Variants in FSIP2 observed in about 807,000 individuals in gnomAD.
FSIP2 encodes fibrous sheath interacting protein 2.
In FSIP2, 367 loss-of-function variants were observed where a neutral mutation model predicts 510.5. The ratio of observed to expected loss-of-function variants is 0.72; its 90% CI spans 0.66 to 0.78. FSIP2 has a LOEUF of 0.78. Ranked by LOEUF, FSIP2 falls within the 30% of genes least tolerant of loss-of-function variation. FSIP2 has a pLI of 0.00. For synonymous variants in FSIP2, 2,601 were observed against 2,732.2 expected, an observed-to-expected ratio of 0.95 and a Z score of 1.50; for missense variants, 7,594 against 7,901.7, an observed-to-expected ratio of 0.96 and a Z score of 1.48.
At chr2:185,811,122 G>T (rs546504775) in intron 17 of FSIP2, among the ~76,000 whole-genome samples, 3 of 152,100 alleles carry the variant, frequency 2.0e-5, no homozygotes, top group South Asian at 2.1e-4. Context: ...CAGGAGGAAA[G>T]AAATGACTTA....
chr2:185,828,017 T>C (rs1046438124), intron 20 of FSIP2, 139 bp from the exon 21 acceptor site: 71 of 566,112 alleles, frequency 1.3e-4, no homozygotes, highest in Non-Finnish European at 2.2e-4. Flanking sequence ...TGCTTATACA[T>C]TTAAAATAAC....
chr2:185,753,869 T>A, intron 8 of FSIP2, 27 bp downstream of exon 8: 1 of 1,394,774 alleles, frequency 7.2e-7, no homozygotes, highest in Non-Finnish European at 9.4e-7. Flanking sequence ...TAAAAGATGA[T>A]GTAGCTAAGT....
At position 185,790,756 on chromosome 2, in the gene FSIP2, C is replaced by G. The variant is rs1376331394; in HGVS notation, c.3620C>G (p.Thr1207Ser). 3.3e-6 allele frequency: 5 copies of G among 1,532,000 alleles called. No homozygotes were observed. In the Admixed American group the frequency reaches 7.9e-5, roughly 24 times the overall value. The allele number at this position is 1,532,000 out of a possible 1,614,324, so 94.9% of individuals were successfully genotyped here. A position where few individuals can be genotyped will look rare whatever the true frequency, so the allele number is the denominator to read the frequency against. The change falls in exon 16 of 23, where the codon ACT becomes AGT. Residue 1207 changes from threonine to serine, a missense_variant. By Grantham distance (58) the Thr-to-Ser change is moderately conservative. Coordinates refer to ENST00000424728, the MANE Select transcript of FSIP2 (RefSeq NM_173651.4). ...CAGATTTCCTTACATAATTCTGACA[C>G]TGAACACATAGTCAAAGAAGCACCA... ...VHQISLHNSD[T>S]EHIVKEAPNK...
At chr2:185,822,082 G>T (rs1693931797) in intron 19 of FSIP2, among the ~76,000 whole-genome samples, 1 of 151,908 alleles carries the variant, frequency 6.6e-6, no homozygotes, top group Non-Finnish European at 1.5e-5. Flanking sequence ...ACATTGTTAA[G>T]GTCATATATG....
intron 13 of FSIP2, among the ~76,000 whole-genome samples, chr2:185,774,023 G>T (rs1692666462): frequency 6.6e-6 from 1 of 152,028 alleles, no homozygotes; most frequent in Non-Finnish European, 1.5e-5. Context: ...ATTTTCTGGG[G>T]TCTCTGTAAG....
intron 13 of FSIP2, among the ~76,000 whole-genome samples, chr2:185,780,154 T>C (rs887388271): frequency 2.0e-5 from 3 of 151,954 alleles, no homozygotes; most frequent in Non-Finnish European, 2.9e-5. Flanking sequence ...GATTCTTCCG[T>C]CCCCCACCTC....
rs1327235651 is a variant in FSIP2, at chr2:185,756,244, T to C, written c.1044T>C (p.Pro348=). Residue 348 remains proline (P), a synonymous_variant, in exon 9 of 23, where the codon CCT becomes CCC. Transcript: ENST00000424728. The stretch of plus-strand genomic sequence containing the variant: ...CTGAAGATATAATGTTAGTTTATCC[T>C]GCTGGAGACCAGAATACATATAAAG... ...KTSEDIMLVY[P]AGDQNTYKET... is the part of the protein sequence containing the mutation. 1 of 1,347,580 alleles carries C rather than the reference T, an allele frequency of 7.4e-7. No homozygotes were observed. Among genetic ancestry groups the C allele is most frequent in the Non-Finnish European group, 1.0e-6 (1 of 993,834 alleles). 83.5% of individuals were successfully genotyped at this position (1,347,580 alleles called of 1,614,324 possible). A position where few individuals can be genotyped will look rare whatever the true frequency, so the allele number is the denominator to read the frequency against.
rs1194716344 is a variant in FSIP2, at chr2:185,799,847, T to C, written c.10541T>C (p.Ile3514Thr). ...ESVLYHLTSSISDGTKKGREK... is the reference protein window; with the variant it reads ...ESVLYHLTSSTSDGTKKGREK... ...GTACTTTACCATTTAACTTCGAGCA[T>C]TTCTGATGGCACCAAAAAGGGTAGA... The change falls in exon 17 of 23, where the codon ATT (isoleucine) becomes ACT (threonine). Residue 3514 changes from isoleucine (I) to threonine (T), a missense_variant. Physicochemically the swap from Ile to Thr is moderately conservative, Grantham distance 89 (BLOSUM62 -1). Coordinates refer to ENST00000424728, the MANE Select transcript of FSIP2 (RefSeq NM_173651.4). 2 of 1,533,138 alleles carry C rather than the reference T, an allele frequency of 1.3e-6. No individual in the cohort carries two copies. Among genetic ancestry groups the C allele is most frequent in the Admixed American group, 2.0e-5 (1 of 50,828 alleles). The allele number at this position is 1,533,138 out of a possible 1,614,324, so 95.0% of individuals were successfully genotyped here.
intron 6 of FSIP2, among the ~76,000 whole-genome samples, 158 bp from the exon 7 acceptor site, chr2:185,747,155 A>T (rs537320698): frequency 6.6e-6 from 1 of 152,232 alleles, no homozygotes; most frequent in South Asian, 2.1e-4. Flanking sequence ...GAGTGTAGTA[A>T]GAAAAGTATA....
At chr2:185,833,067 C>A in intron 22 of FSIP2, 23 bp from the exon 23 acceptor site, 1 of 1,606,654 alleles carries the variant, frequency 6.2e-7, no homozygotes, top group South Asian at 1.1e-5. Flanking sequence ...AGATATCATT[C>A]TTCTTGTTTA....
At chr2:185,766,647 G>T (rs1433480235) in intron 13 of FSIP2, 17 of 150,942 alleles carry the variant, frequency 1.1e-4, no homozygotes, top group Admixed American at 9.9e-4. Context: ...AGAATGGCAA[G>T]CATTAAAAAG....
chr2:185,746,635 A>C (rs1350857832), intron 5 of FSIP2, 34 bp from the exon 6 acceptor site: 6 of 1,458,230 alleles, frequency 4.1e-6, no homozygotes, highest in Non-Finnish European at 5.4e-6. Context: ...GAAACAGCCA[A>C]TTCACCTTTA....
At chr2:185,815,264 G>A in intron 18 of FSIP2, 107 bp from the exon 19 acceptor site, 1 of 619,542 alleles carries the variant, frequency 1.6e-6, no homozygotes, top group Non-Finnish European at 2.9e-6. Flanking sequence ...ACTAATCTCT[G>A]GAACTTTTTT....
In FSIP2 at chr2:185,833,266, A is replaced by T. The variant is rs771535446; in HGVS notation, c.*40A>T. On this transcript the variant is annotated 3_prime_UTR_variant, in exon 23 of 23. Coordinates refer to ENST00000424728, the MANE Select transcript of FSIP2 (RefSeq NM_173651.4). The stretch of plus-strand genomic sequence containing the variant: ...ATATAAGTATGCTTACTTCTTTTAG[A>T]AAATAAAATGGTTTTTAAAGCATAG... 1.9e-6 allele frequency: 3 copies of T among 1,539,092 alleles called. No individual in the cohort carries two copies. In the East Asian group the frequency reaches 6.8e-5, roughly 35 times the overall value.
At position 185,792,132 on chromosome 2, in the gene FSIP2, A is replaced by T; in HGVS notation, c.4996A>T (p.Lys1666Ter). The change falls in exon 16 of 23, where the codon AAG becomes TAG. Residue 1666 changes from lysine (K) to a stop codon, truncating the protein, a stop_gained. Coordinates refer to ENST00000424728, the MANE Select transcript of FSIP2 (RefSeq NM_173651.4). LOFTEE classifies it high-confidence loss of function. ...TELNVTSSDLKTSVENPPPET... is the reference protein window; with the variant it reads ...TELNVTSSDL ...ATTAAATGTGACCTCATCAGATTTG[A>T]AGACAAGTGTAGAAAACCCACCACC... The T allele has an allele frequency of 6.5e-7, 1 of 1,533,862 alleles. No homozygotes were observed.
chr2:185,775,474 A>G (rs1414749230), intron 13 of FSIP2, among the ~76,000 whole-genome samples: 6 of 151,624 alleles, frequency 4.0e-5, no homozygotes, highest in Admixed American at 3.9e-4. Flanking sequence ...GATTCTGGAT[A>G]TTAGCCCTTT....
chr2:185,818,718 C>CA (rs1693865886), intron 19 of FSIP2, among the ~76,000 whole-genome samples: 2 of 151,690 alleles, frequency 1.3e-5, no homozygotes, highest in South Asian at 2.1e-4. Context: ...CTACATCCAG[C>CA]AAAAAATGTT....
intron 13 of FSIP2, among the ~76,000 whole-genome samples, chr2:185,769,970 T>C (rs183353170): frequency 2.6e-5 from 4 of 152,220 alleles, no homozygotes; most frequent in Non-Finnish European, 4.4e-5. Context: ...TTGGTTACTG[T>C]AGACCTGTAG....
In FSIP2 at chr2:185,796,727, A is replaced by G. The variant is rs1252407318; in HGVS notation, c.9591A>G (p.Lys3197=). Residue 3197 remains lysine (K), a synonymous_variant, in exon 16 of 23, where the codon AAA becomes AAG. Coordinates refer to ENST00000424728, the MANE Select transcript of FSIP2 (RefSeq NM_173651.4). ...TGTTTTGTTCAGATGAAGATATGAA[A>G]GAAAAGTACAGGGTTTCATCAGATT... The part of the protein sequence containing the change: ...GFVFCSDEDM[K]EKYRVSSDLP... The G allele has an allele frequency of 6.5e-7, 1 of 1,535,114 alleles. No individual in the cohort carries two copies. Among genetic ancestry groups the G allele is most frequent in the South Asian group, 1.2e-5 (1 of 84,036 alleles).
Sources: gnomAD v4.1 joint callset for allele counts (sites outside exome capture counted in the v4.1 genomes callset) on GRCh38, gnomAD v4.1.1 for gene constraint, MANE v1.5 for transcripts, NCBI Gene and HGNC (gene_info 2026-07-23, HGNC 2026-07-21) for gene names.